Variants in KCNJ3 observed in about 807,000 individuals in gnomAD.
KCNJ3 encodes the protein potassium inwardly rectifying channel subfamily J member 3.
A neutral mutation model predicts 39.2 loss-of-function variants in KCNJ3; 4 were observed. The ratio of observed to expected loss-of-function variants is 0.10; its 90% confidence interval spans 0.05 to 0.23. The LOEUF (loss-of-function observed/expected upper bound fraction) is 0.23, where lower values mean the gene tolerates loss of function less well. Among genes scored for constraint, KCNJ3 ranks in the 10% least tolerant of loss-of-function variants. KCNJ3 has a pLI of 1.00. For missense variants in KCNJ3, 276 were observed against 634.9 expected (o/e 0.43, Z 6.08); for synonymous variants, 230 against 237.4 (o/e 0.97, Z 0.29).
intron 2 of KCNJ3, among the ~76,000 whole-genome samples, chr2:154,845,880 G>A (rs1202796555): frequency 1.3e-5 from 2 of 149,506 alleles, no homozygotes; most frequent in African/African-American, 5.0e-5. Flanking sequence ...TGAGGCAGGA[G>A]AATCACTTGA....
At chr2:154,708,492 A>G (rs144925944) in intron 1 of KCNJ3, among the ~76,000 whole-genome samples, 30 of 152,292 alleles carry the variant, frequency 2.0e-4, no homozygotes, top group Admixed American at 1.4e-3. Context: ...TTTGTTTTAC[A>G]TGGAATCTGT....
chr2:154,788,692 A>T (rs1686576694), intron 2 of KCNJ3, among the ~76,000 whole-genome samples: 1 of 151,872 alleles, frequency 6.6e-6, no homozygotes, highest in Non-Finnish European at 1.5e-5. Context: ...ACTGATCTAA[A>T]ATATGTTTAT....
intron 1 of KCNJ3, among the ~76,000 whole-genome samples, chr2:154,707,309 T>C (rs1215417335): frequency 6.6e-6 from 1 of 152,008 alleles, no homozygotes; most frequent in Non-Finnish European, 1.5e-5. Flanking sequence ...ATATTTAAAA[T>C]CAGAAGGTAT....
chr2:154,785,960 G>A (rs1235517861), intron 2 of KCNJ3, among the ~76,000 whole-genome samples: 1 of 152,164 alleles, frequency 6.6e-6, no homozygotes, highest in Non-Finnish European at 1.5e-5. Flanking sequence ...GCCCATAACA[G>A]TCACTTTTGA....
chr2:154,760,594 C>T (rs1446514734), intron 2 of KCNJ3, among the ~76,000 whole-genome samples: 1 of 151,936 alleles, frequency 6.6e-6, no homozygotes, highest in Non-Finnish European at 1.5e-5. Flanking sequence ...CATTCTGCCA[C>T]CCAGCCTGGA....
chr2:154,847,858 AGGTGC>A (rs964442649), intron 2 of KCNJ3, among the ~76,000 whole-genome samples: 2 of 152,164 alleles, frequency 1.3e-5, no homozygotes, highest in African/African-American at 4.8e-5. Flanking sequence ...GTTTGATGTT[AGGTGC>A]ATCTGGCATT....
At chr2:154,704,485 T>C (rs1684964545) in intron 1 of KCNJ3, among the ~76,000 whole-genome samples, 1 of 152,192 alleles carries the variant, frequency 6.6e-6, no homozygotes, top group South Asian at 2.1e-4. Flanking sequence ...TTGCGTTCTG[T>C]AAGAAATGTT....
intron 2 of KCNJ3, among the ~76,000 whole-genome samples, chr2:154,764,487 A>G (rs974172653): frequency 2.0e-5 from 3 of 152,204 alleles, no homozygotes; most frequent in African/African-American, 7.2e-5. Context: ...TTAAAATAAT[A>G]GCCATTAATC....
chr2:154,838,452 G>C (rs896551821), intron 2 of KCNJ3, among the ~76,000 whole-genome samples: 1 of 152,126 alleles, frequency 6.6e-6, no homozygotes, highest in African/African-American at 2.4e-5. Flanking sequence ...ATCTTTATCA[G>C]TCATATGAGA....
intron 2 of KCNJ3, among the ~76,000 whole-genome samples, chr2:154,830,523 A>AACTT (rs1464022405): frequency 2.0e-5 from 3 of 152,298 alleles, no homozygotes; most frequent in Admixed American, 2.0e-4. Flanking sequence ...GTGTGTTTCA[A>AACTT]ACTTAATGTA....
intron 2 of KCNJ3, among the ~76,000 whole-genome samples, chr2:154,800,364 T>C (rs1344495453): frequency 6.6e-6 from 1 of 152,166 alleles, no homozygotes; most frequent in Non-Finnish European, 1.5e-5. Flanking sequence ...TTAAAGGTAA[T>C]AGGTTTTCAA....
At chr2:154,721,521 C>T (rs1430606457) in intron 2 of KCNJ3, among the ~76,000 whole-genome samples, 1 of 152,024 alleles carries the variant, frequency 6.6e-6, no homozygotes, top group Non-Finnish European at 1.5e-5. Context: ...ATCATATCTG[C>T]TTGATATGTC....
intron 2 of KCNJ3, among the ~76,000 whole-genome samples, chr2:154,789,160 A>T (rs1448871149): frequency 6.6e-6 from 1 of 152,092 alleles, no homozygotes; most frequent in African/African-American, 2.4e-5. Flanking sequence ...TATTATTGCA[A>T]AAAGAAAAAG....
intron 2 of KCNJ3, among the ~76,000 whole-genome samples, chr2:154,756,316 A>G (rs1400624176): frequency 2.0e-5 from 3 of 152,134 alleles, no homozygotes; most frequent in South Asian, 2.1e-4. Flanking sequence ...TTGGTATTTT[A>G]TTTTTCAAAA....
chr2:154,827,084 G>C (rs1028622414), intron 2 of KCNJ3, among the ~76,000 whole-genome samples: 10 of 152,056 alleles, frequency 6.6e-5, no homozygotes, highest in African/African-American at 2.4e-4. Flanking sequence ...CCTGTTCTTG[G>C]AGATGACAAC....
At chr2:154,840,415 C>A (rs1558887983) in intron 2 of KCNJ3, among the ~76,000 whole-genome samples, 1 of 152,122 alleles carries the variant, frequency 6.6e-6, no homozygotes. Flanking sequence ...ATTGACTTGG[C>A]AATGTGGGCT....
At chr2:154,777,093 G>A (rs546524039) in intron 2 of KCNJ3, among the ~76,000 whole-genome samples, 30 of 152,086 alleles carry the variant, frequency 2.0e-4, no homozygotes, top group Admixed American at 2.0e-3. Context: ...GTTGGGACAT[G>A]AGCTAAATTT....
At chr2:154,739,808 G>T (rs1193968144) in intron 2 of KCNJ3, among the ~76,000 whole-genome samples, 1 of 152,026 alleles carries the variant, frequency 6.6e-6, no homozygotes, top group African/African-American at 2.4e-5. Flanking sequence ...AATACTTCAA[G>T]ATATAGCCCA....
chr2:154,717,061 T>C (rs566045369), intron 2 of KCNJ3, among the ~76,000 whole-genome samples: 1 of 152,288 alleles, frequency 6.6e-6, no homozygotes, highest in South Asian at 2.1e-4. Context: ...CCCTAATGGA[T>C]TTCTTCCAAA....
Sources: allele counts gnomAD v4.1 joint callset (sites outside exome capture counted in the v4.1 genomes callset), GRCh38; gene constraint gnomAD v4.1.1; transcripts MANE v1.5; gene names NCBI Gene and HGNC (gene_info 2026-07-23, HGNC 2026-07-21).